The following CFAP43 variants were observed in gnomAD, a reference collection of about 807,000 sequenced individuals.
CFAP43 encodes cilia and flagella associated protein 43.
CFAP43 carries 155 observed loss-of-function variants against 218.9 expected under a neutral mutation model. The ratio of observed to expected loss-of-function variants is 0.71; its 90% confidence interval spans 0.62 to 0.81. The LOEUF (loss-of-function observed/expected upper bound fraction) is 0.81. CFAP43 is among the 30% of genes least tolerant of loss of function. The probability of loss-of-function intolerance (pLI) is 0.00; values close to 1 mark genes in which losing one functional copy is unlikely to be tolerated. For missense variants in CFAP43, 1,778 were observed against 1,954.3 expected (o/e 0.91, Z 1.70); for synonymous variants, 645 against 681.3 (o/e 0.95, Z 0.83).
chr10:104,212,763 T>A (rs1357623774), intron 4 of CFAP43, among the ~76,000 whole-genome samples: 2 of 152,236 alleles, frequency 1.3e-5, no homozygotes, highest in African/African-American at 4.8e-5. Flanking sequence ...AATATGGTTA[T>A]AAAGGTTAAT....
chr10:104,185,236 A>G, intron 15 of CFAP43, 90 bp from the exon 16 acceptor site: 1 of 1,515,584 alleles, frequency 6.6e-7, no homozygotes, highest in Non-Finnish European at 9.0e-7. Context: ...TTTTTTGTGG[A>G]TAAATCATTT....
rs77694672 is a variant in CFAP43 at position 104,192,141 on chromosome 10, A to G, written c.1546+58T>C. 6.8e-6 allele frequency: 9 copies of G among 1,321,212 alleles called. No individual in the cohort carries two copies. The South Asian group carries it at 1.1e-4, about 16-fold the overall frequency. The allele number at this position is 1,321,212 out of a possible 1,614,324, so 81.8% of individuals were successfully genotyped here. A position where few individuals can be genotyped will look rare whatever the true frequency, so the allele number is the denominator to read the frequency against. ...TTCAATATGAAAAGTCCATTTTCAT[A>G]ACCTTAAATTCTTTGAAATAATCAA... On this transcript the variant is annotated intron_variant, in intron 12 of 37. Coordinates refer to ENST00000357060, the MANE Select transcript of CFAP43 (RefSeq NM_025145.7).
chr10:104,157,366 A>G (rs975122669), intron 27 of CFAP43, among the ~76,000 whole-genome samples: 1 of 152,250 alleles, frequency 6.6e-6, no homozygotes, highest in Non-Finnish European at 1.5e-5. Context: ...TGTTTTACAT[A>G]TGGTTGCTAT....
chr10:104,174,004 T>C (rs1449772748), intron 19 of CFAP43, among the ~76,000 whole-genome samples: 1 of 152,116 alleles, frequency 6.6e-6, no homozygotes, highest in Non-Finnish European at 1.5e-5. Context: ...ATAAAAAGAA[T>C]CATAAGACTA....
intron 3 of CFAP43, among the ~76,000 whole-genome samples, chr10:104,224,709 C>T (rs1028279911): frequency 9.5e-5 from 13 of 137,112 alleles, no homozygotes; most frequent in African/African-American, 3.4e-4. Flanking sequence ...GAGCTGAGAT[C>T]GTGCCACTGC....
chr10:104,207,590 AAG>A, intron 6 of CFAP43, 73 bp downstream of exon 6: 2 of 1,423,148 alleles, frequency 1.4e-6, no homozygotes, highest in East Asian at 4.6e-5. Flanking sequence ...GTCTCCAAGA[AAG>A]AGAAAAATAG....
chr10:104,146,261 A>G lies in CFAP43; in HGVS notation c.3855+2T>C, dbSNP rs530752936. ...TTGAGTGGGTAAGACAACAACTCTCACTTTGTCTTCTGCCAGTAAGTTGTC... is the reference window on the plus strand; with the variant it reads ...TTGAGTGGGTAAGACAACAACTCTCGCTTTGTCTTCTGCCAGTAAGTTGTC... On this transcript the variant is annotated splice_donor_variant, in intron 30 of 37. Coordinates refer to ENST00000357060, the MANE Select transcript of CFAP43 (RefSeq NM_025145.7). LOFTEE classifies it high-confidence loss of function. 1 of 1,612,458 alleles carries G rather than the reference A, an allele frequency of 6.2e-7. No individual in the cohort carries two copies. The highest frequency in any genetic ancestry group is 1.3e-5 in the African/African-American group (1 of 74,994).
chr10:104,179,195 A>G, intron 18 of CFAP43, 89 bp from the exon 19 acceptor site: 2 of 1,144,252 alleles, frequency 1.7e-6, no homozygotes, highest in Admixed American at 4.8e-5. Flanking sequence ...TTCTCTAGAA[A>G]CAGAAACTAA....
rs539633699 is a variant in CFAP43, at chr10:104,131,254, C to G, written c.4831+77G>C. ...TAAAGAAATGCTGATAGCTTTTTAA[C>G]TGTTGTATACATTTTAGGATTACTG... On this transcript the variant is annotated intron_variant, in intron 37 of 37. Coordinates refer to ENST00000357060, the MANE Select transcript of CFAP43 (RefSeq NM_025145.7). 3.4e-6 allele frequency: 5 copies of G among 1,485,738 alleles called. No individual in the cohort carries two copies. The African/African-American group carries it at 5.7e-5, about 17-fold the overall frequency. 92.0% of individuals were successfully genotyped at this position (1,485,738 alleles called of 1,614,324 possible). A position where few individuals can be genotyped will look rare whatever the true frequency, so the allele number is the denominator to read the frequency against.
intron 37 of CFAP43, 62 bp downstream of exon 37, chr10:104,131,269 T>C: frequency 6.4e-7 from 1 of 1,553,030 alleles, no homozygotes; most frequent in South Asian, 1.2e-5. Context: ...GTATACATTT[T>C]AGGATTACTG....
At chr10:104,199,845 C>A (rs1332785423) in intron 8 of CFAP43, among the ~76,000 whole-genome samples, 1 of 132,574 alleles carries the variant, frequency 7.5e-6, no homozygotes, top group African/African-American at 2.8e-5. Flanking sequence ...TGTAACAAAA[C>A]CCCACCAAGA....
At chr10:104,216,530 G>T (rs539296444) in intron 3 of CFAP43, among the ~76,000 whole-genome samples, 1 of 152,268 alleles carries the variant, frequency 6.6e-6, no homozygotes, top group African/African-American at 2.4e-5. Context: ...CTTCACTGGG[G>T]CTCCTGGGGA....
At position 104,162,330 on chromosome 10, in the gene CFAP43, C is replaced by T; in HGVS notation, c.3320G>A (p.Trp1107Ter). The T allele has an allele frequency of 6.2e-7, 1 of 1,614,108 alleles. No individual in the cohort carries two copies. Among genetic ancestry groups the T allele is most frequent in the Non-Finnish European group, 8.5e-7 (1 of 1,179,908 alleles). ...AAAGCTACATGCCTGTATCAGAAGC[C>T]AGTGCTCCTTTTCATGATTCACGAT... is the stretch of plus-strand genomic sequence containing the variant. ...ELIVNHEKEH[W>*]LLIQDASTRL... is the part of the protein sequence containing the mutation. The change falls in exon 25 of 38, where the codon TGG (tryptophan) becomes TAG (stop). Residue 1107 changes from tryptophan (W) to a stop codon, truncating the protein, a stop_gained. Transcript: ENST00000357060. LOFTEE classifies it high-confidence loss of function.
chr10:104,151,319 T>C (rs2088245481), intron 28 of CFAP43, among the ~76,000 whole-genome samples: 1 of 152,184 alleles, frequency 6.6e-6, no homozygotes, highest in South Asian at 2.1e-4. Flanking sequence ...GGAATTGCCA[T>C]ACCGCTTTCC....
chr10:104,195,463 C>G (rs1311610001), intron 10 of CFAP43, among the ~76,000 whole-genome samples: 1 of 152,122 alleles, frequency 6.6e-6, no homozygotes, highest in Non-Finnish European at 1.5e-5. Flanking sequence ...ACTATGGAGT[C>G]TTTTCATATT....
At chr10:104,196,726 A>G (rs2090390849) in intron 10 of CFAP43, 127 bp downstream of exon 10, 1 of 715,162 alleles carries the variant, frequency 1.4e-6, no homozygotes. Flanking sequence ...CTGTAAATCT[A>G]GAAGGCAAAA....
At chr10:104,202,097 C>T (rs946743260) in intron 8 of CFAP43, among the ~76,000 whole-genome samples, 2 of 152,132 alleles carry the variant, frequency 1.3e-5, no homozygotes, top group African/African-American at 2.4e-5. Flanking sequence ...ATAAACAATA[C>T]GTTAGTGGGT....
intron 24 of CFAP43, among the ~76,000 whole-genome samples, chr10:104,162,731 C>A (rs1251731865): frequency 6.7e-6 from 1 of 149,790 alleles, no homozygotes; most frequent in Admixed American, 6.7e-5. Flanking sequence ...CCTAAGAGGT[C>A]GAGAGCTTGG....
intron 5 of CFAP43, among the ~76,000 whole-genome samples, chr10:104,209,587 C>T (rs2090791734): frequency 1.3e-5 from 2 of 152,058 alleles, no homozygotes; most frequent in Non-Finnish European, 1.5e-5. Flanking sequence ...AGGACAATTG[C>T]CTGAATTTTA....
Sources: gnomAD v4.1 joint callset for allele counts (sites outside exome capture counted in the v4.1 genomes callset) on GRCh38, gnomAD v4.1.1 for gene constraint, MANE v1.5 for transcripts, NCBI Gene and HGNC (gene_info 2026-07-23, HGNC 2026-07-21) for gene names.